Variants in NALF1 observed in about 807,000 individuals in gnomAD.
NALF1 encodes family with sequence similarity 155 member A.
NALF1 carries 3 observed loss-of-function variants against 48.4 expected under a neutral mutation model. That is an observed-to-expected ratio of 0.06 (90% CI 0.03 to 0.16). The LOEUF is 0.16. NALF1 is among the 10% of genes least tolerant of loss of function. The pLI is 1.00. For missense variants in NALF1, 526 were observed against 571.5 expected (o/e 0.92, Z 0.81); for synonymous variants, 262 against 245.7 (o/e 1.07, Z -0.62).
chr13:107,717,033 T>A (rs1379878073), intron 1 of NALF1, among the ~76,000 whole-genome samples: 1 of 152,280 alleles, frequency 6.6e-6, no homozygotes, highest in South Asian at 2.1e-4. Context: ...CCTGCTCCAG[T>A]GTGCTTAGCA....
At chr13:107,329,487 C>G (rs1882426955) in intron 1 of NALF1, among the ~76,000 whole-genome samples, 1 of 151,046 alleles carries the variant, frequency 6.6e-6, no homozygotes, top group Non-Finnish European at 1.5e-5. Context: ...TGGCTTCACT[C>G]TCTTTTTTTT....
intron 1 of NALF1, among the ~76,000 whole-genome samples, chr13:107,498,303 T>C (rs1379879918): frequency 6.6e-6 from 1 of 152,082 alleles, no homozygotes; most frequent in Non-Finnish European, 1.5e-5. Flanking sequence ...TTCTCATTGA[T>C]AGGTCCATGA....
intron 1 of NALF1, among the ~76,000 whole-genome samples, chr13:107,817,134 GTGA>G (rs1879191690): frequency 1.3e-5 from 2 of 152,174 alleles, no homozygotes; most frequent in African/African-American, 4.8e-5. Flanking sequence ...AGGCAAATAT[GTGA>G]TGAAAATAGA....
rs1037147358 is a variant in NALF1 at position 107,430,905 on chromosome 13, C to T, written c.916-220150G>A. Among the ~76,000 whole-genome samples the T allele has an allele frequency of 2.0e-5, 3 of 152,196 alleles. No individual in the cohort carries two copies. In the South Asian group the frequency reaches 6.2e-4, roughly 31 times the overall value. Reference sequence around the variant, plus strand: ...CTTCCACAACGGTTGAACTAGTTTACAGCCCCACCAACAGTGTAAAAGTGT... The same window carrying T: ...CTTCCACAACGGTTGAACTAGTTTATAGCCCCACCAACAGTGTAAAAGTGT... On this transcript the variant is annotated intron_variant, in intron 1 of 2. Coordinates refer to ENST00000375915, the MANE Select transcript of NALF1 (RefSeq NM_001080396.3).
chr13:107,340,524 CTTT>C (rs199696880), intron 1 of NALF1, among the ~76,000 whole-genome samples: 16 of 144,110 alleles, frequency 1.1e-4, no homozygotes, highest in African/African-American at 3.6e-4. Flanking sequence ...CTTTCTCTCT[CTTT>C]TTTTTTTTAA....
At chr13:107,642,004 G>A (rs1035860957) in intron 1 of NALF1, among the ~76,000 whole-genome samples, 4 of 152,146 alleles carry the variant, frequency 2.6e-5, no homozygotes, top group African/African-American at 7.2e-5. Context: ...AATGTGCAGT[G>A]AAGAATGACA....
chr13:107,651,570 T>C (rs1418760391), intron 1 of NALF1, among the ~76,000 whole-genome samples: 1 of 152,202 alleles, frequency 6.6e-6, no homozygotes, highest in Non-Finnish European at 1.5e-5. Context: ...TAAATGAATA[T>C]TTTAAAACTA....
At chr13:107,180,548 A>AACAT (rs1336893445) in intron 2 of NALF1, among the ~76,000 whole-genome samples, 1 of 152,016 alleles carries the variant, frequency 6.6e-6, no homozygotes, top group African/African-American at 2.4e-5. Flanking sequence ...AGAAAACAGT[A>AACAT]ACATAGTCTT....
intron 1 of NALF1, among the ~76,000 whole-genome samples, chr13:107,828,644 CACA>C (rs1400733983): frequency 7.1e-6 from 1 of 140,326 alleles, no homozygotes; most frequent in Non-Finnish European, 1.6e-5. Context: ...CACACACACA[CACA>C]AATCTCCCAC....
rs1346946140 is a variant in NALF1 at position 107,168,306 on chromosome 13, G to A, written c.*2191C>T. ...TGAAATCTGTATTCCACCATTGGTT[G>A]GGATACCAAAGTGCTCATTTCTACA... On this transcript the variant is annotated 3_prime_UTR_variant, in exon 3 of 3. Coordinates refer to ENST00000375915, the MANE Select transcript of NALF1 (RefSeq NM_001080396.3). 1 of 152,086 alleles carries A rather than the reference G, an allele frequency of 6.6e-6. No individual in the cohort carries two copies. The highest frequency in any genetic ancestry group is 2.4e-5 in the African/African-American group (1 of 41,406). The allele number at this position is 152,086 out of a possible 1,614,324, so 9.4% of individuals were successfully genotyped here. A position where few individuals can be genotyped will look rare whatever the true frequency, so the allele number is the denominator to read the frequency against.
intron 2 of NALF1, among the ~76,000 whole-genome samples, chr13:107,177,109 G>C (rs1305095285): frequency 6.6e-6 from 1 of 151,888 alleles, no homozygotes; most frequent in African/African-American, 2.4e-5. Context: ...AATAAAGAAA[G>C]TTATCCCATT....
At chr13:107,586,492 A>T (rs1011294725) in intron 1 of NALF1, among the ~76,000 whole-genome samples, 2 of 150,968 alleles carry the variant, frequency 1.3e-5, no homozygotes, top group African/African-American at 2.4e-5. Flanking sequence ...AGTCCATTTC[A>T]AATTTTTTAA....
intron 1 of NALF1, among the ~76,000 whole-genome samples, chr13:107,848,693 A>G (rs989850302): frequency 6.6e-6 from 1 of 152,214 alleles, no homozygotes; most frequent in East Asian, 1.9e-4. Flanking sequence ...CTCAAACTGT[A>G]TCTACAACCT....
intron 1 of NALF1, among the ~76,000 whole-genome samples, chr13:107,539,827 A>G (rs554897977): frequency 6.6e-6 from 1 of 152,214 alleles, no homozygotes; most frequent in East Asian, 1.9e-4. Context: ...GCTAAGACTC[A>G]AACTCAGTTC....
chr13:107,695,674 G>A (rs372068200), intron 1 of NALF1, among the ~76,000 whole-genome samples: 17 of 152,078 alleles, frequency 1.1e-4, no homozygotes, highest in East Asian at 3.9e-4. Flanking sequence ...CATTCTCCTC[G>A]GTTCTAGATG....
chr13:107,691,836 T>C (rs1881575762), intron 1 of NALF1, among the ~76,000 whole-genome samples: 1 of 152,196 alleles, frequency 6.6e-6, no homozygotes, highest in Non-Finnish European at 1.5e-5. Flanking sequence ...CAAGGTAGGT[T>C]TAAACAAGAT....
At chr13:107,663,285 A>G (rs1246795669) in intron 1 of NALF1, among the ~76,000 whole-genome samples, 2 of 152,208 alleles carry the variant, frequency 1.3e-5, no homozygotes, top group Admixed American at 6.5e-5. Flanking sequence ...TCCTTAGGGG[A>G]CAAATGTTTC....
At chr13:107,656,016 G>A (rs1310101875) in intron 1 of NALF1, among the ~76,000 whole-genome samples, 8 of 151,850 alleles carry the variant, frequency 5.3e-5, no homozygotes, top group Non-Finnish European at 1.2e-4. Context: ...AACTCAAGAC[G>A]GATCAAAGAC....
chr13:107,818,843 G>A (rs534323060), intron 1 of NALF1, among the ~76,000 whole-genome samples: 1 of 113,022 alleles, frequency 8.8e-6, no homozygotes, highest in Non-Finnish European at 1.6e-5. Context: ...CTGCACTCCA[G>A]CCTGGGCGAC....
Sources: allele counts gnomAD v4.1 joint callset (sites outside exome capture counted in the v4.1 genomes callset), GRCh38; gene constraint gnomAD v4.1.1; transcripts MANE v1.5; gene names NCBI Gene and HGNC (gene_info 2026-07-23, HGNC 2026-07-21).